Variants in FOXP1 observed in about 807,000 individuals in gnomAD.
FOXP1 encodes the protein forkhead box P1.
A neutral mutation model predicts 98.2 loss-of-function variants in FOXP1; 15 were observed. That is an observed-to-expected ratio of 0.15 (90% CI 0.10 to 0.24). The LOEUF (loss-of-function observed/expected upper bound fraction) is 0.24, where lower values mean the gene tolerates loss of function less well. FOXP1 is among the 10% of genes least tolerant of loss of function. The pLI is 1.00. For synonymous variants in FOXP1, 371 were observed against 314.5 expected (o/e 1.18, Z -1.90); for missense variants, 633 against 848.5 (o/e 0.75, Z 3.15).
chr3:71,582,431 T>C, intron 1 of FOXP1: 1 of 984,978 alleles, frequency 1.0e-6, no homozygotes, highest in East Asian at 1.1e-4. Context: ...GCTCGCTGGC[T>C]CCAGGGAGTC....
In FOXP1 at chr3:71,341,924, C is replaced by CATGA. The variant is rs546089531; in HGVS notation, c.-73+17222_-73+17225dup. On this transcript the variant is annotated intron_variant, in intron 4 of 20. Transcript: ENST00000649528. ...CCATGGAAGCTTGTGGTAGAACATG[C>CATGA]ATGAGTCGCTTCTCAATGATTTCCT... Among the ~76,000 whole-genome samples, 31 of 152,314 alleles carry CATGA rather than the reference C, an allele frequency of 2.0e-4. No individual in the cohort carries two copies. The East Asian group carries it at 5.4e-3, about 27-fold the overall frequency.
At chr3:71,071,745 TGTATTTTTA>T (rs1432274404) in intron 7 of FOXP1, among the ~76,000 whole-genome samples, 1 of 152,080 alleles carries the variant, frequency 6.6e-6, no homozygotes. Context: ...GGCTAATTTT[TGTATTTTTA>T]GTAGAGACGG....
At chr3:71,376,864 A>C (rs1282506273) in intron 3 of FOXP1, among the ~76,000 whole-genome samples, 1 of 152,212 alleles carries the variant, frequency 6.6e-6, no homozygotes, top group Non-Finnish European at 1.5e-5. Flanking sequence ...AAATTGAAAA[A>C]AGGTGAGGGT....
At position 70,979,279 on chromosome 3, in the gene FOXP1, C is replaced by CAAAAAAAAAAAAAAAAAAA. The variant is rs544916383; in HGVS notation, c.1147-1269_1147-1251dup. The stretch of plus-strand genomic sequence containing the variant: ...TGGGTGATAGAGTGAGACTCTACCT[C>CAAAAAAAAAAAAAAAAAAA]AAAAAAAAAAAAAAAAAAAAAAAAA... On this transcript the variant is annotated intron_variant, in intron 14 of 20. Transcript: ENST00000649528. 3.8e-4 allele frequency among the ~76,000 whole-genome samples: 16 copies of CAAAAAAAAAAAAAAAAAAA among 42,562 alleles called. 1 individual carries two copies. The highest frequency in any genetic ancestry group is 4.8e-4 in the Non-Finnish European group (13 of 26,844). The allele number at this position is 42,562 out of a possible 152,430, so 27.9% of individuals were successfully genotyped here. A position where few individuals can be genotyped will look rare whatever the true frequency, so the allele number is the denominator to read the frequency against.
At chr3:71,267,124 A>AGAGTGTGTGTGTGTGTGTGTGT (rs142661368) in intron 5 of FOXP1, among the ~76,000 whole-genome samples, 17 of 148,296 alleles carry the variant, frequency 1.1e-4, no homozygotes, top group South Asian at 8.6e-4. Flanking sequence ...TATGGGAGAG[A>AGAGTGTGTGTGTGTGTGTGTGT]GTGTGTGTGT....
At chr3:71,052,926 A>G (rs769704680) in intron 8 of FOXP1, among the ~76,000 whole-genome samples, 1 of 152,186 alleles carries the variant, frequency 6.6e-6, no homozygotes, top group Non-Finnish European at 1.5e-5. Context: ...TTGCTGAGAG[A>G]GTCTGGTGAA....
At chr3:71,304,973 A>T (rs2074153285) in intron 4 of FOXP1, among the ~76,000 whole-genome samples, 1 of 152,196 alleles carries the variant, frequency 6.6e-6, no homozygotes, top group Admixed American at 6.5e-5. Flanking sequence ...TTCACACAGG[A>T]CATATCTTCC....
intron 17 of FOXP1, 55 bp downstream of exon 17, chr3:70,976,886 C>G: frequency 7.6e-7 from 1 of 1,309,240 alleles, no homozygotes; most frequent in Non-Finnish European, 1.1e-6. Flanking sequence ...TTATCAACAA[C>G]AAACTGTTCT....
At chr3:71,299,471 A>C in intron 5 of FOXP1, among the ~76,000 whole-genome samples, 1 of 152,260 alleles carries the variant, frequency 6.6e-6, no homozygotes, top group Non-Finnish European at 1.5e-5. Context: ...TCTTGTTTGC[A>C]GCAAGTTAAT....
chr3:71,241,318 A>G (rs1258728451), intron 5 of FOXP1, among the ~76,000 whole-genome samples: 1 of 152,202 alleles, frequency 6.6e-6, no homozygotes, highest in Non-Finnish European at 1.5e-5. Context: ...ACAATTTGTG[A>G]CCATAAACTA....
At chr3:71,144,674 T>C (rs1278656572) in intron 6 of FOXP1, among the ~76,000 whole-genome samples, 1 of 152,154 alleles carries the variant, frequency 6.6e-6, no homozygotes, top group Non-Finnish European at 1.5e-5. Flanking sequence ...CTGGGCTGTG[T>C]AGAGCATGTG....
At chr3:71,418,864 A>G (rs565523588) in intron 3 of FOXP1, among the ~76,000 whole-genome samples, 3 of 151,946 alleles carry the variant, frequency 2.0e-5, no homozygotes, top group African/African-American at 7.2e-5. Flanking sequence ...TTATACTTAT[A>G]ATACCAGATA....
chr3:71,515,357 C>T (rs1428672657), intron 2 of FOXP1, among the ~76,000 whole-genome samples: 3 of 138,306 alleles, frequency 2.2e-5, no homozygotes, highest in Non-Finnish European at 4.5e-5. Context: ...TTGTTTTACA[C>T]TAAGATGTGA....
At chr3:71,485,226 G>T (rs2090561901) in intron 3 of FOXP1, among the ~76,000 whole-genome samples, 2 of 152,144 alleles carry the variant, frequency 1.3e-5, no homozygotes, top group African/African-American at 4.8e-5. Flanking sequence ...ATTAGACAGT[G>T]AGCTAGATAA....
Position 70,959,410 on chromosome 3 carries a change from G to T in FOXP1, c.1890-19C>A. The T allele has an allele frequency of 6.2e-7, 1 of 1,613,856 alleles. No homozygotes were observed. The highest frequency in any genetic ancestry group is 1.1e-5 in the South Asian group (1 of 91,058). ...AGGATGCCTGGAAAAAATATGCAGA[G>T]GTTCAGTGAGGGTACTTCCCAGCCC... is the stretch of plus-strand genomic sequence containing the variant. On this transcript the variant is annotated intron_variant, in intron 20 of 20. Transcript: ENST00000649528.
intron 11 of FOXP1, among the ~76,000 whole-genome samples, chr3:71,019,842 C>CA (rs201852927): frequency 0.031 from 3,633 of 117,582 alleles, 142 homozygotes; most frequent in African/African-American, 0.14. Context: ...GTCCCCCCCC[C>CA]AAAAAAAACA....
intron 5 of FOXP1, among the ~76,000 whole-genome samples, chr3:71,224,948 A>C (rs534223406): frequency 6.6e-6 from 1 of 152,316 alleles, no homozygotes; most frequent in East Asian, 1.9e-4. Context: ...CAATATTTTG[A>C]ATGAGTGAAT....
chr3:71,437,401 T>C (rs1190883932), intron 3 of FOXP1, among the ~76,000 whole-genome samples: 13 of 152,122 alleles, frequency 8.5e-5, no homozygotes, highest in Admixed American at 8.5e-4. Context: ...AATGAGACCC[T>C]GTCTCAAAAG....
chr3:71,075,716 GT>G (rs59622548), intron 7 of FOXP1, among the ~76,000 whole-genome samples: 118,983 of 146,132 alleles, frequency 0.81, 48,804 homozygotes, highest in African/African-American at 0.88. Context: ...GGTTTTTTTT[GT>G]TTTTTTTTTT....
Sources: allele counts gnomAD v4.1 joint callset (sites outside exome capture counted in the v4.1 genomes callset), GRCh38; gene constraint gnomAD v4.1.1; transcripts MANE v1.5; gene names NCBI Gene and HGNC (gene_info 2026-07-23, HGNC 2026-07-21).